CLPB: variants seen among roughly 807,000 people sequenced by gnomAD.
CLPB encodes ClpB family mitochondrial disaggregase.
In CLPB, 40 loss-of-function variants were observed where a neutral mutation model predicts 78.4. The ratio of observed to expected loss-of-function variants is 0.51; its 90% CI spans 0.40 to 0.66. The LOEUF (loss-of-function observed/expected upper bound fraction) is 0.66. Ranked by LOEUF, CLPB falls within the 30% of genes least tolerant of loss-of-function variation. The pLI is 0.00. For missense variants in CLPB, 780 were observed against 886.9 expected, an observed-to-expected ratio of 0.88 and a Z score of 1.53; for synonymous variants, 333 against 348.0, an observed-to-expected ratio of 0.96 and a Z score of 0.48.
intron 4 of CLPB, among the ~76,000 whole-genome samples, chr11:72,370,647 G>C (rs1951025458): frequency 6.6e-6 from 1 of 152,200 alleles, no homozygotes; most frequent in South Asian, 2.1e-4. Context: ...AGGCTGATAT[G>C]GTTGCTGGGT....
intron 4 of CLPB, among the ~76,000 whole-genome samples, chr11:72,379,058 G>A (rs377760513): frequency 3.7e-4 from 56 of 152,284 alleles, no homozygotes; most frequent in African/African-American, 1.3e-3. Context: ...GGGCAGCAAT[G>A]CCTTAATGCT....
chr11:72,336,231 T>TAAC (rs974586068), intron 5 of CLPB, among the ~76,000 whole-genome samples: 1 of 152,058 alleles, frequency 6.6e-6, no homozygotes, highest in Non-Finnish European at 1.5e-5. Flanking sequence ...TAAGAGGGCT[T>TAAC]AACAACAACA....
intron 4 of CLPB, among the ~76,000 whole-genome samples, chr11:72,369,250 A>T (rs1293342445): frequency 2.0e-5 from 3 of 152,140 alleles, no homozygotes; most frequent in Non-Finnish European, 4.4e-5. Context: ...AGGTGGGGTA[A>T]ACTCTTAAGA....
At chr11:72,385,709 G>A (rs1855054462) in intron 3 of CLPB, among the ~76,000 whole-genome samples, 1 of 152,168 alleles carries the variant, frequency 6.6e-6, no homozygotes, top group Non-Finnish European at 1.5e-5. Context: ...TGTAATCCCA[G>A]CTACTTGGGA....
rs141861372 is a variant in CLPB at position 72,314,139 on chromosome 11, C to T, written c.988+2967G>A. ...CTGGTGGTGTGCCGTGGTGGCCATA[C>T]GCAATCCTTCTGTAATATGGAATAT... On this transcript the variant is annotated intron_variant, in intron 7 of 15. Coordinates refer to ENST00000538039, the MANE Select transcript of CLPB (RefSeq NM_001258392.3). 9.0e-4 allele frequency among the ~76,000 whole-genome samples: 137 copies of T among 152,270 alleles called. 1 individual carries two copies. The highest frequency in any genetic ancestry group is 2.3e-3 in the South Asian group (11 of 4,822).
At chr11:72,365,024 C>A (rs904568238) in intron 4 of CLPB, among the ~76,000 whole-genome samples, 1 of 152,124 alleles carries the variant, frequency 6.6e-6, no homozygotes, top group Non-Finnish European at 1.5e-5. Context: ...AAGTGCAAAT[C>A]AAAACCACAA....
At chr11:72,315,711 C>T (rs1005031572) in intron 7 of CLPB, among the ~76,000 whole-genome samples, 1 of 152,196 alleles carries the variant, frequency 6.6e-6, no homozygotes. Flanking sequence ...ATTCATTCTG[C>T]GGCACTTCTC....
chr11:72,303,763 T>C (rs898609425), intron 9 of CLPB: 1 of 152,310 alleles, frequency 6.6e-6, no homozygotes, highest in Non-Finnish European at 1.5e-5. Context: ...GTATTTACTA[T>C]GTGCCTGGCA....
intron 7 of CLPB, among the ~76,000 whole-genome samples, chr11:72,315,957 C>T (rs553821225): frequency 2.0e-5 from 3 of 152,310 alleles, no homozygotes; most frequent in South Asian, 2.1e-4. Context: ...TTGCAACCAC[C>T]GGGCTGCCTT....
intron 2 of CLPB, among the ~76,000 whole-genome samples, chr11:72,421,989 C>T (rs1183821358): frequency 7.2e-5 from 11 of 152,232 alleles, no homozygotes; most frequent in Admixed American, 5.2e-4. Context: ...GGAAACTGGC[C>T]GGGCGTGGTG....
intron 6 of CLPB, among the ~76,000 whole-genome samples, chr11:72,320,969 T>C (rs1005633317): frequency 2.0e-5 from 3 of 152,128 alleles, no homozygotes; most frequent in African/African-American, 7.2e-5. Context: ...CGTCTTGGCC[T>C]CCCAAAGTGC....
chr11:72,306,830 C>T (rs1424397403), intron 9 of CLPB, among the ~76,000 whole-genome samples: 1 of 152,208 alleles, frequency 6.6e-6, no homozygotes, highest in Non-Finnish European at 1.5e-5. Flanking sequence ...AACCTGAGCT[C>T]CTTGGAGCAG....
At chr11:72,426,385 G>A (rs1856375193) in intron 2 of CLPB, among the ~76,000 whole-genome samples, 1 of 152,236 alleles carries the variant, frequency 6.6e-6, no homozygotes, top group African/African-American at 2.4e-5. Context: ...GGTTTCGGGT[G>A]AGCAGTTCCT....
At chr11:72,378,099 G>C (rs1854776566) in intron 4 of CLPB, among the ~76,000 whole-genome samples, 1 of 152,222 alleles carries the variant, frequency 6.6e-6, no homozygotes, top group South Asian at 2.1e-4. Flanking sequence ...TGTGACAGCA[G>C]AAGTTGGACT....
At chr11:72,308,330 A>C (rs553961197) in intron 8 of CLPB, among the ~76,000 whole-genome samples, 197 bp downstream of exon 8, 1 of 152,230 alleles carries the variant, frequency 6.6e-6, no homozygotes, top group African/African-American at 2.4e-5. Flanking sequence ...GGCATATTGC[A>C]GCTCTTCATA....
chr11:72,406,903 T>C (rs573132688), intron 2 of CLPB, among the ~76,000 whole-genome samples: 2 of 152,324 alleles, frequency 1.3e-5, no homozygotes, highest in African/African-American at 4.8e-5. Flanking sequence ...TGTGTGTAGG[T>C]ACGTGTGTGT....
intron 2 of CLPB, among the ~76,000 whole-genome samples, chr11:72,424,294 T>C (rs1307402677): frequency 6.6e-6 from 1 of 152,232 alleles, no homozygotes; most frequent in African/African-American, 2.4e-5. Context: ...GCCCCATGCC[T>C]GGGGGCAATT....
rs1205894080 is a variant in CLPB at position 72,288,188 on chromosome 11, C to T, written c.*5179G>A. 6.6e-6 allele frequency: 1 copy of T among 152,086 alleles called. No homozygotes were observed. The highest frequency in any genetic ancestry group is 1.5e-5 in the Non-Finnish European group (1 of 68,030). The allele number at this position is 152,086 out of a possible 1,614,324, so 9.4% of individuals were successfully genotyped here. Reference sequence around the variant, plus strand: ...AGTCTGGTCTCATGTATTCTAGGATCCTCAATAAGGAATTTGGGGCCGGGT... The same window carrying T: ...AGTCTGGTCTCATGTATTCTAGGATTCTCAATAAGGAATTTGGGGCCGGGT... On this transcript the variant is annotated 3_prime_UTR_variant, in exon 16 of 16. Transcript: ENST00000538039.
intron 5 of CLPB, among the ~76,000 whole-genome samples, chr11:72,343,619 G>A (rs1221740683): frequency 6.6e-6 from 1 of 152,202 alleles, no homozygotes; most frequent in Admixed American, 6.5e-5. Flanking sequence ...CTAGGAGGAA[G>A]GGGAGAGGAC....
Sources: allele counts gnomAD v4.1 joint callset (sites outside exome capture counted in the v4.1 genomes callset), GRCh38; gene constraint gnomAD v4.1.1; transcripts MANE v1.5; gene names NCBI Gene and HGNC (gene_info 2026-07-23, HGNC 2026-07-21).